The following SDK1 variants were observed in gnomAD, a reference collection of about 807,000 sequenced individuals.
The protein encoded by SDK1 is protein sidekick-1.
In SDK1, 157 loss-of-function variants were observed where a neutral mutation model predicts 245.5. That is an observed-to-expected ratio of 0.64 (90% CI 0.56 to 0.73). The LOEUF (loss-of-function observed/expected upper bound fraction) is 0.73, where lower values mean the gene tolerates loss of function less well. SDK1 is among the 30% of genes least tolerant of loss of function. SDK1 has a pLI of 0.00. For synonymous variants in SDK1, 1,647 were observed against 1,278.5 expected, an observed-to-expected ratio of 1.29 and a Z score of -6.15; for missense variants, 3,583 against 3,002.3, an observed-to-expected ratio of 1.19 and a Z score of -4.52.
At chr7:4,110,226 C>G (rs966150535) in intron 22 of SDK1, among the ~76,000 whole-genome samples, 2 of 152,184 alleles carry the variant, frequency 1.3e-5, no homozygotes, top group African/African-American at 4.8e-5. Flanking sequence ...AAGCTGGACC[C>G]CCAGCCTGTG....
chr7:3,778,165 G>C (rs117624833), intron 4 of SDK1, among the ~76,000 whole-genome samples: 1 of 152,268 alleles, frequency 6.6e-6, no homozygotes, highest in East Asian at 1.9e-4. Context: ...TGTATAAAAT[G>C]AAAGTCTTCC....
chr7:3,968,485 C>G (rs1477037832), intron 10 of SDK1, among the ~76,000 whole-genome samples: 1 of 152,244 alleles, frequency 6.6e-6, no homozygotes, highest in African/African-American at 2.4e-5. Context: ...CCCCTGCACT[C>G]AGACACAGCT....
At chr7:4,198,773 C>T (rs1783723842) in intron 35 of SDK1, among the ~76,000 whole-genome samples, 1 of 151,924 alleles carries the variant, frequency 6.6e-6, no homozygotes, top group African/African-American at 2.4e-5. Context: ...GACTTAACCC[C>T]TCGAAGCCTC....
At chr7:3,682,072 A>G (rs143102012) in intron 4 of SDK1, among the ~76,000 whole-genome samples, 85 of 152,352 alleles carry the variant, frequency 5.6e-4, no homozygotes, top group African/African-American at 2.0e-3. Context: ...TTTAGTTGGT[A>G]GAATTTTGAA....
intron 1 of SDK1, among the ~76,000 whole-genome samples, chr7:3,312,995 A>G (rs1779585704): frequency 6.6e-6 from 1 of 152,244 alleles, no homozygotes; most frequent in Admixed American, 6.5e-5. Context: ...GTTGATGTCT[A>G]GACTGGCAGG....
chr7:3,924,306 T>G (rs1779695111), intron 5 of SDK1, among the ~76,000 whole-genome samples: 1 of 152,180 alleles, frequency 6.6e-6, no homozygotes, highest in African/African-American at 2.4e-5. Context: ...TACAGTGAAC[T>G]GTAGGCTCTC....
Position 3,615,367 on chromosome 7 carries a change from A to C in SDK1, c.299-3713A>C, listed in dbSNP as rs1050624850. ...GAAAAAGGAAATTGGACACATGGCT[A>C]CATTCAAATTTAAGAATGCAGTTGA... On this transcript the variant is annotated intron_variant, in intron 1 of 44. Coordinates refer to ENST00000404826, the MANE Select transcript of SDK1 (RefSeq NM_152744.4). Among the ~76,000 whole-genome samples, 81 of 151,758 alleles carry C rather than the reference A, an allele frequency of 5.3e-4. 1 individual carries two copies. The highest frequency in any genetic ancestry group is 1.8e-3 in the African/African-American group (75 of 41,536).
intron 1 of SDK1, among the ~76,000 whole-genome samples, chr7:3,610,946 G>A (rs1228928477): frequency 6.6e-6 from 1 of 152,226 alleles, no homozygotes; most frequent in African/African-American, 2.4e-5. Flanking sequence ...AGATTTTTGA[G>A]TACAAAATGA....
intron 4 of SDK1, among the ~76,000 whole-genome samples, chr7:3,780,352 G>C (rs1009122004): frequency 1.3e-5 from 2 of 152,180 alleles, no homozygotes; most frequent in African/African-American, 4.8e-5. Flanking sequence ...GGAAACACTA[G>C]GAGAAACAGC....
intron 4 of SDK1, among the ~76,000 whole-genome samples, chr7:3,669,156 G>T (rs1472165434): frequency 2.0e-5 from 3 of 152,136 alleles, no homozygotes; most frequent in Admixed American, 6.5e-5. Flanking sequence ...AAAACATATT[G>T]GTTAGTGTAA....
intron 4 of SDK1, among the ~76,000 whole-genome samples, chr7:3,709,849 C>T (rs1249062887): frequency 6.6e-6 from 1 of 152,218 alleles, no homozygotes; most frequent in African/African-American, 2.4e-5. Flanking sequence ...GCTCTCTCCT[C>T]CTGCTGTTTG....
chr7:3,978,009 CCAAA>C (rs981466494), intron 13 of SDK1, among the ~76,000 whole-genome samples: 4 of 152,166 alleles, frequency 2.6e-5, no homozygotes, highest in Admixed American at 2.6e-4. Context: ...CTACCAAAAC[CCAAA>C]CAGTGAGTAC....
At chr7:3,735,313 T>C (rs931864231) in intron 4 of SDK1, among the ~76,000 whole-genome samples, 1 of 152,200 alleles carries the variant, frequency 6.6e-6, no homozygotes, top group Non-Finnish European at 1.5e-5. Context: ...TGCTAAGCAG[T>C]GACTCTCTGA....
chr7:3,941,699 A>T (rs1248573181), intron 5 of SDK1, among the ~76,000 whole-genome samples: 1 of 152,086 alleles, frequency 6.6e-6, no homozygotes, highest in African/African-American at 2.4e-5. Context: ...CTCCGCCACA[A>T]TGTGCTTGCT....
intron 35 of SDK1, among the ~76,000 whole-genome samples, chr7:4,195,068 GA>G (rs554177870): frequency 2.2e-3 from 327 of 151,342 alleles, no homozygotes; most frequent in African/African-American, 7.5e-3. Context: ...AGCTGCTTTA[GA>G]AAAAAAAATT....
At chr7:3,925,543 A>G (rs970864467) in intron 5 of SDK1, among the ~76,000 whole-genome samples, 3 of 152,220 alleles carry the variant, frequency 2.0e-5, no homozygotes, top group Admixed American at 1.3e-4. Context: ...AGATGAACGC[A>G]TGCAGGATGC....
At chr7:4,092,814 C>T (rs1026208475) in intron 22 of SDK1, among the ~76,000 whole-genome samples, 2 of 152,140 alleles carry the variant, frequency 1.3e-5, no homozygotes, top group East Asian at 1.9e-4. Context: ...AGCCAAGCCC[C>T]GTCTCGAGGC....
chr7:3,809,646 C>T (rs183453760), intron 4 of SDK1, among the ~76,000 whole-genome samples: 18 of 152,332 alleles, frequency 1.2e-4, no homozygotes, highest in African/African-American at 4.3e-4. Flanking sequence ...TCATAATTTT[C>T]TAGTATTCCT....
chr7:3,304,846 T>C (rs1012912555), intron 1 of SDK1, among the ~76,000 whole-genome samples: 3 of 152,332 alleles, frequency 2.0e-5, no homozygotes, highest in Admixed American at 6.5e-5. Context: ...AGCTTTAAAC[T>C]TCTGATGCCT....
Sources: gnomAD v4.1 joint callset for allele counts (sites outside exome capture counted in the v4.1 genomes callset) on GRCh38, gnomAD v4.1.1 for gene constraint, MANE v1.5 for transcripts, NCBI Gene and HGNC (gene_info 2026-07-23, HGNC 2026-07-21) for gene names.